The following PEBP4 variants were observed in gnomAD, a reference collection of about 807,000 sequenced individuals.
PEBP4 encodes phosphatidylethanolamine-binding protein 4.
In PEBP4, 22 loss-of-function variants were observed where a neutral mutation model predicts 23.9. That is an observed-to-expected ratio of 0.92 (90% CI 0.66 to 1.31). PEBP4 has a LOEUF of 1.31. Ranked by LOEUF, PEBP4 falls within the 40% of genes most tolerant of loss-of-function variation. The pLI, the probability that PEBP4 is intolerant of heterozygous loss-of-function variation, is 0.00. For missense variants in PEBP4, 324 were observed against 281.7 expected (o/e 1.15, Z -1.07); for synonymous variants, 112 against 99.3 (o/e 1.13, Z -0.76).
At chr8:22,890,880 T>A (rs1404806825) in intron 3 of PEBP4, among the ~76,000 whole-genome samples, 2 of 152,214 alleles carry the variant, frequency 1.3e-5, no homozygotes, top group African/African-American at 4.8e-5. Flanking sequence ...CAGGCTGGAA[T>A]GCAATGGAGC....
chr8:22,807,872 T>C (rs931344920), intron 4 of PEBP4, among the ~76,000 whole-genome samples: 28 of 146,966 alleles, frequency 1.9e-4, no homozygotes, highest in Non-Finnish European at 3.1e-4. Context: ...ACCCAACCTC[T>C]ATCCATCCAT....
intron 3 of PEBP4, among the ~76,000 whole-genome samples, chr8:22,850,696 C>T (rs1807533490): frequency 6.6e-6 from 1 of 152,186 alleles, no homozygotes; most frequent in South Asian, 2.1e-4. Flanking sequence ...CTCATCCTTC[C>T]TCCCAACATG....
chr8:22,810,747 A>T (rs1289552479), intron 4 of PEBP4, among the ~76,000 whole-genome samples: 1 of 150,516 alleles, frequency 6.6e-6, no homozygotes, highest in Non-Finnish European at 1.5e-5. Context: ...AGAAAGAGTG[A>T]GTTTTCTGCC....
Position 22,914,202 on chromosome 8 carries a change from G to C in PEBP4, c.258+5982C>G, listed in dbSNP as rs1413264519. Among the ~76,000 whole-genome samples, 6 of 152,064 alleles carry C rather than the reference G, an allele frequency of 3.9e-5. No individual in the cohort carries two copies. The South Asian group carries it at 1.2e-3, about 32-fold the overall frequency. On this transcript the variant is annotated intron_variant, in intron 3 of 6. Coordinates refer to ENST00000256404, the MANE Select transcript of PEBP4 (RefSeq NM_144962.3). ...GGGGTTTCACCATGTTTGCCAGGCTGATCTCCTGACTTCAAGTGATCTGCC... is the reference window on the plus strand; with the variant it reads ...GGGGTTTCACCATGTTTGCCAGGCTCATCTCCTGACTTCAAGTGATCTGCC...
intron 6 of PEBP4, among the ~76,000 whole-genome samples, chr8:22,720,605 G>C (rs1373570517): frequency 6.6e-6 from 1 of 152,224 alleles, no homozygotes; most frequent in East Asian, 1.9e-4. Flanking sequence ...TGAGATAATG[G>C]CATCTGCAAA....
chr8:22,874,734 C>A (rs985206789), intron 3 of PEBP4, among the ~76,000 whole-genome samples: 2 of 152,164 alleles, frequency 1.3e-5, no homozygotes, highest in African/African-American at 4.8e-5. Context: ...TTCCTCCACT[C>A]CTATGGCAGC....
intron 4 of PEBP4, among the ~76,000 whole-genome samples, chr8:22,795,992 A>G (rs1338225807): frequency 6.6e-6 from 1 of 152,194 alleles, no homozygotes; most frequent in African/African-American, 2.4e-5. Context: ...AGAGGTTGAT[A>G]AGGTGGGAAT....
chr8:22,833,998 T>A (rs976173217), intron 3 of PEBP4, among the ~76,000 whole-genome samples: 2 of 152,180 alleles, frequency 1.3e-5, no homozygotes, highest in Non-Finnish European at 2.9e-5. Flanking sequence ...ATCAGTGAGC[T>A]CAGTTCGGTT....
chr8:22,939,921 ATAAGCCCAT>A (rs765311240), intron 1 of PEBP4, among the ~76,000 whole-genome samples: 5 of 152,190 alleles, frequency 3.3e-5, no homozygotes, highest in Non-Finnish European at 7.3e-5. Flanking sequence ...AGTTGACTTA[ATAAGCCCAT>A]TTCATTAACA....
chr8:22,781,960 A>C (rs1020876434), intron 4 of PEBP4, among the ~76,000 whole-genome samples: 1 of 152,222 alleles, frequency 6.6e-6, no homozygotes, highest in Non-Finnish European at 1.5e-5. Context: ...CCCCAGGAAC[A>C]GGACCTGCTG....
intron 3 of PEBP4, among the ~76,000 whole-genome samples, chr8:22,883,773 C>T (rs758226054): frequency 1.3e-5 from 2 of 152,146 alleles, no homozygotes; most frequent in Non-Finnish European, 2.9e-5. Flanking sequence ...ACACTGAATG[C>T]ATCTGTTCTG....
rs193110347 is a variant in PEBP4, at chr8:22,725,164, A to G, written c.404-208T>C. ...ATTTTGGTGGGGGTGAGAGTGGGGG[A>G]GGAGGTGGTCCAAGAGGAAACACCC... On this transcript the variant is annotated intron_variant, in intron 5 of 6. Coordinates refer to ENST00000256404, the MANE Select transcript of PEBP4 (RefSeq NM_144962.3). Among the ~76,000 whole-genome samples, 184 of 150,566 alleles carry G rather than the reference A, an allele frequency of 1.2e-3. 1 individual carries two copies. Among genetic ancestry groups the G allele is most frequent in the African/African-American group, 4.3e-3 (174 of 40,870 alleles).
chr8:22,794,056 T>C (rs1328163928), intron 4 of PEBP4, among the ~76,000 whole-genome samples: 1 of 152,226 alleles, frequency 6.6e-6, no homozygotes, highest in Admixed American at 6.5e-5. Flanking sequence ...TTGTTTTTGT[T>C]TGCATTTCCA....
At chr8:22,732,252 A>AG (rs1478774336) in intron 4 of PEBP4, among the ~76,000 whole-genome samples, 2 of 152,238 alleles carry the variant, frequency 1.3e-5, no homozygotes, top group East Asian at 3.9e-4. Context: ...TAGCAAGGGA[A>AG]GGGAGGAGGA....
intron 1 of PEBP4, among the ~76,000 whole-genome samples, chr8:22,935,274 A>C (rs1382500829): frequency 6.6e-6 from 1 of 152,058 alleles, no homozygotes; most frequent in African/African-American, 2.4e-5. Context: ...TCATCCCAGC[A>C]CTTTGGGAAG....
At chr8:22,880,215 C>T (rs147774876) in intron 3 of PEBP4, among the ~76,000 whole-genome samples, 138 of 152,272 alleles carry the variant, frequency 9.1e-4, no homozygotes, top group African/African-American at 3.2e-3. Context: ...AGCTAGAAGG[C>T]GAGACAGCAG....
chr8:22,785,372 C>G (rs1159269011), intron 4 of PEBP4, among the ~76,000 whole-genome samples: 1 of 152,182 alleles, frequency 6.6e-6, no homozygotes, highest in Non-Finnish European at 1.5e-5. Flanking sequence ...AAGTGCCCCT[C>G]TGCATTTCCT....
intron 4 of PEBP4, among the ~76,000 whole-genome samples, chr8:22,777,325 A>G (rs989087206): frequency 6.6e-6 from 1 of 152,110 alleles, no homozygotes; most frequent in African/African-American, 2.4e-5. Flanking sequence ...CCCCAGGAGA[A>G]CTTTCTGGGA....
intron 1 of PEBP4, among the ~76,000 whole-genome samples, chr8:22,940,504 TTC>T (rs1491255710): frequency 2.0e-5 from 3 of 147,266 alleles, no homozygotes; most frequent in Non-Finnish European, 3.0e-5. Context: ...TTTTTTTTTT[TTC>T]GAGACGGAGT....
Sources: allele counts gnomAD v4.1 joint callset (sites outside exome capture counted in the v4.1 genomes callset), GRCh38; gene constraint gnomAD v4.1.1; transcripts MANE v1.5; gene names NCBI Gene and HGNC (gene_info 2026-07-23, HGNC 2026-07-21).